The following TAFA2 variants were observed in gnomAD, a reference collection of about 807,000 sequenced individuals.
TAFA2 encodes TAFA chemokine like family member 2.
In TAFA2, 7 loss-of-function variants were observed where a neutral mutation model predicts 18.8. The observed-to-expected ratio is 0.37, with a 90% CI of 0.21 to 0.70. TAFA2 has a LOEUF of 0.70. Ranked by LOEUF, TAFA2 falls within the 30% of genes least tolerant of loss-of-function variation. TAFA2 has a pLI of 0.53. For synonymous variants in TAFA2, 60 were observed against 54.2 expected (o/e 1.11, Z -0.47); for missense variants, 122 against 158.1 (o/e 0.77, Z 1.23).
At chr12:62,215,680 G>C (rs2639726) in intron 1 of TAFA2, among the ~76,000 whole-genome samples, 2 of 80,800 alleles carry the variant, frequency 2.5e-5, no homozygotes, top group African/African-American at 4.8e-5. Flanking sequence ...TTAAGAGGAA[G>C]AACTTGTTTC....
chr12:62,042,426 T>C (rs1223324427), intron 1 of TAFA2, among the ~76,000 whole-genome samples: 18 of 86,264 alleles, frequency 2.1e-4, no homozygotes, highest in African/African-American at 3.8e-4. Flanking sequence ...TGTGTGTGTG[T>C]GTGCGCGTGT....
At chr12:62,078,224 C>T (rs1367892897) in intron 1 of TAFA2, among the ~76,000 whole-genome samples, 1 of 152,102 alleles carries the variant, frequency 6.6e-6, no homozygotes, top group Non-Finnish European at 1.5e-5. Flanking sequence ...ACTTACCCGG[C>T]CAAGCTGAAT....
At chr12:61,814,244 G>A (rs551841452) in intron 2 of TAFA2, among the ~76,000 whole-genome samples, 1 of 151,472 alleles carries the variant, frequency 6.6e-6, no homozygotes, top group South Asian at 2.1e-4. Context: ...GCCTCATGGT[G>A]AGGGAAGGTA....
At chr12:61,716,568 T>C (rs75275079) in intron 4 of TAFA2, among the ~76,000 whole-genome samples, 2,060 of 152,276 alleles carry the variant, frequency 0.014, 41 homozygotes, top group African/African-American at 0.047. Context: ...TCTTATATGA[T>C]ATTAGCTTAA....
intron 1 of TAFA2, among the ~76,000 whole-genome samples, chr12:61,902,008 G>A (rs972923869): frequency 3.4e-5 from 5 of 148,986 alleles, no homozygotes; most frequent in African/African-American, 1.3e-4. Context: ...AGCTATACCT[G>A]TGGATACCAC....
intron 1 of TAFA2, among the ~76,000 whole-genome samples, chr12:62,044,895 G>A (rs1413523836): frequency 6.6e-6 from 1 of 152,126 alleles, no homozygotes; most frequent in African/African-American, 2.4e-5. Flanking sequence ...GGATGATCAG[G>A]CTGAATTCTG....
intron 2 of TAFA2, among the ~76,000 whole-genome samples, chr12:61,818,844 A>G (rs1371933545): frequency 1.3e-5 from 2 of 152,226 alleles, no homozygotes; most frequent in Non-Finnish European, 2.9e-5. Flanking sequence ...TAAGCAGTTT[A>G]ATTCATTTAA....
At chr12:61,941,137 T>C (rs1877987534) in intron 1 of TAFA2, among the ~76,000 whole-genome samples, 1 of 152,084 alleles carries the variant, frequency 6.6e-6, no homozygotes, top group African/African-American at 2.4e-5. Flanking sequence ...GTGATGAAAA[T>C]CCAGACTCTG....
At position 61,871,233 on chromosome 12, in the gene TAFA2, T is replaced by C. The variant is rs558427709; in HGVS notation, c.-1-3807A>G. Among the ~76,000 whole-genome samples the C allele has an allele frequency of 3.4e-4, 52 of 152,146 alleles. No individual in the cohort carries two copies. The South Asian group carries it at 6.4e-3, about 19-fold the overall frequency. The stretch of plus-strand genomic sequence containing the variant: ...CAAGTTTGAACAAAGTGAAACATAA[T>C]AGAGTGATCAAGGATTTTTGACAAA... On this transcript the variant is annotated intron_variant, in intron 1 of 4. Coordinates refer to ENST00000416284, the MANE Select transcript of TAFA2 (RefSeq NM_178539.5).
At chr12:62,190,033 G>A (rs1005452002) in intron 1 of TAFA2, among the ~76,000 whole-genome samples, 22 of 151,138 alleles carry the variant, frequency 1.5e-4, no homozygotes, top group Non-Finnish European at 2.7e-4. Flanking sequence ...AATCCAAGAG[G>A]GGATTTCATA....
intron 4 of TAFA2, among the ~76,000 whole-genome samples, chr12:61,714,969 G>C (rs1472319543): frequency 6.6e-6 from 1 of 152,136 alleles, no homozygotes; most frequent in Non-Finnish European, 1.5e-5. Context: ...TAACACTATG[G>C]GGTTGAATAA....
intron 1 of TAFA2, among the ~76,000 whole-genome samples, chr12:61,907,146 GCAAT>G (rs1239355512): frequency 2.6e-5 from 4 of 152,340 alleles, no homozygotes; most frequent in Non-Finnish European, 1.5e-5. Context: ...ATTTGCATAA[GCAAT>G]GAAGAGCCAA....
chr12:62,181,540 T>G (rs1277316987), intron 1 of TAFA2, among the ~76,000 whole-genome samples: 1 of 152,194 alleles, frequency 6.6e-6, no homozygotes, highest in Admixed American at 6.5e-5. Context: ...CGAACTATAT[T>G]AATCATACAA....
chr12:61,792,660 T>C (rs1469182757), intron 2 of TAFA2, among the ~76,000 whole-genome samples: 2 of 151,574 alleles, frequency 1.3e-5, no homozygotes, highest in Non-Finnish European at 3.0e-5. Flanking sequence ...ACAATGTTTA[T>C]TTCAGTGCAA....
At chr12:61,769,308 C>G (rs1035114841) in intron 2 of TAFA2, among the ~76,000 whole-genome samples, 10 of 151,416 alleles carry the variant, frequency 6.6e-5, no homozygotes, top group African/African-American at 2.4e-4. Context: ...CTCCAAAGCT[C>G]TTCCTACTGC....
At chr12:62,220,613 T>C (rs568337696) in intron 1 of TAFA2, among the ~76,000 whole-genome samples, 73 of 152,334 alleles carry the variant, frequency 4.8e-4, no homozygotes, top group African/African-American at 1.7e-3. Flanking sequence ...GACGCATCAA[T>C]GTAAGTTCAT....
At chr12:61,946,352 C>G (rs1487476259) in intron 1 of TAFA2, among the ~76,000 whole-genome samples, 1 of 142,280 alleles carries the variant, frequency 7.0e-6, no homozygotes, top group Non-Finnish European at 1.5e-5. Flanking sequence ...ACCATAAAAA[C>G]CCTAGAAGAA....
intron 1 of TAFA2, among the ~76,000 whole-genome samples, chr12:62,066,777 G>T (rs1882501563): frequency 6.6e-6 from 1 of 151,984 alleles, no homozygotes; most frequent in Non-Finnish European, 1.5e-5. Context: ...ATAAACAAGG[G>T]AATGCAGATA....
At chr12:62,129,516 C>A (rs181061693) in intron 1 of TAFA2, among the ~76,000 whole-genome samples, 3 of 152,052 alleles carry the variant, frequency 2.0e-5, no homozygotes, top group Admixed American at 2.0e-4. Context: ...TTCACCGATA[C>A]GGTGGTAATG....
Sources: allele counts gnomAD v4.1 joint callset (sites outside exome capture counted in the v4.1 genomes callset), GRCh38; gene constraint gnomAD v4.1.1; transcripts MANE v1.5; gene names NCBI Gene and HGNC (gene_info 2026-07-23, HGNC 2026-07-21).